SLC16A2: variants seen among roughly 807,000 people sequenced by gnomAD.
SLC16A2 encodes the protein monocarboxylate transporter 8.
In SLC16A2, 3 loss-of-function variants were observed where a neutral mutation model predicts 27.2. The observed-to-expected ratio is 0.11, with a 90% CI of 0.05 to 0.28. The LOEUF is 0.28. Ranked by LOEUF, SLC16A2 falls within the 10% of genes least tolerant of loss-of-function variation. SLC16A2 has a pLI of 1.00. For synonymous variants in SLC16A2, 202 were observed against 187.8 expected (o/e 1.08, Z -0.62); for missense variants, 295 against 458.5 (o/e 0.64, Z 3.26).
intron 1 of SLC16A2, among the ~76,000 whole-genome samples, chrX:74,465,604 C>T (rs1278431180): frequency 9.0e-6 from 1 of 111,535 alleles, no homozygotes; most frequent in African/African-American, 3.3e-5. Flanking sequence ...GTTTGTGCAC[C>T]AGGGCAGTCC....
chrX:74,474,516 A>G (rs1310322063), intron 1 of SLC16A2, among the ~76,000 whole-genome samples: 3 of 107,973 alleles, frequency 2.8e-5, no homozygotes, highest in Non-Finnish European at 5.7e-5. Flanking sequence ...TTTAGGGTAC[A>G]TGTGCACAAC....
chrX:74,465,519 A>C (rs1929235509), intron 1 of SLC16A2, among the ~76,000 whole-genome samples: 1 of 111,246 alleles, frequency 9.0e-6, no homozygotes, highest in African/African-American at 3.3e-5. Flanking sequence ...AGCCAGCTTG[A>C]ACAATATTTC....
intron 1 of SLC16A2, among the ~76,000 whole-genome samples, chrX:74,456,598 A>T (rs1929045568): frequency 8.9e-6 from 1 of 112,330 alleles, no homozygotes; most frequent in Non-Finnish European, 1.9e-5. Context: ...TGCTGCCAGC[A>T]TTCTAAAGAG....
chrX:74,439,043 A>G (rs1159070622), intron 1 of SLC16A2, among the ~76,000 whole-genome samples: 2 of 111,308 alleles, frequency 1.8e-5, no homozygotes, highest in African/African-American at 6.5e-5. Context: ...CCCCAAAGCT[A>G]AAAGAAATTG....
chrX:74,466,545 A>T (rs148705618), intron 1 of SLC16A2, among the ~76,000 whole-genome samples: 2,452 of 112,546 alleles, frequency 0.022, 26 homozygotes, highest in Non-Finnish European at 0.036. Flanking sequence ...CTATGCAAAT[A>T]GTTGTTATAC....
intron 1 of SLC16A2, among the ~76,000 whole-genome samples, chrX:74,511,221 G>A (rs903445584): frequency 1.6e-4 from 18 of 109,655 alleles, no homozygotes; most frequent in Admixed American, 1.3e-3. Flanking sequence ...TCGCTCTGTC[G>A]CCCAGGCTGG....
chrX:74,501,987 T>C (rs1186406893), intron 1 of SLC16A2, among the ~76,000 whole-genome samples: 3 of 111,589 alleles, frequency 2.7e-5, no homozygotes, highest in African/African-American at 9.8e-5. Context: ...TATATTAATT[T>C]GAACATAAAA....
intron 1 of SLC16A2, among the ~76,000 whole-genome samples, chrX:74,451,597 A>T (rs1318932927): frequency 8.9e-6 from 1 of 112,841 alleles, no homozygotes; most frequent in African/African-American, 3.2e-5. Flanking sequence ...CCATAAAGTG[A>T]CACGGAAAAT....
chrX:74,493,789 C>T (rs1011462193), intron 1 of SLC16A2, among the ~76,000 whole-genome samples: 4 of 111,297 alleles, frequency 3.6e-5, no homozygotes, highest in Non-Finnish European at 7.5e-5. Context: ...CGTGCATTCC[C>T]TCTCTGTCTC....
chrX:74,470,196 C>G (rs1210194796), intron 1 of SLC16A2, among the ~76,000 whole-genome samples: 1 of 112,115 alleles, frequency 8.9e-6, no homozygotes, highest in Non-Finnish European at 1.9e-5. Context: ...CCAGATGTAC[C>G]AGAGCTTATC....
At chrX:74,471,587 A>G (rs762225999) in intron 1 of SLC16A2, among the ~76,000 whole-genome samples, 4 of 111,995 alleles carry the variant, frequency 3.6e-5, no homozygotes, top group Non-Finnish European at 5.6e-5. Flanking sequence ...TCTGTGTGTT[A>G]TCTTTTCACT....
At chrX:74,501,591 C>T (rs1930036038) in intron 1 of SLC16A2, among the ~76,000 whole-genome samples, 1 of 111,087 alleles carries the variant, frequency 9.0e-6, no homozygotes, top group Middle Eastern at 4.6e-3. Flanking sequence ...CTCTGGTGGG[C>T]CCCCCCTCTG....
At chrX:74,473,866 G>A (rs1216109960) in intron 1 of SLC16A2, 3 of 486,837 alleles carry the variant, frequency 6.2e-6, no homozygotes, top group Non-Finnish European at 1.1e-5. Flanking sequence ...ACCATTTTGA[G>A]CCATTTTCAG....
At chrX:74,510,133 T>C (rs890154845) in intron 1 of SLC16A2, among the ~76,000 whole-genome samples, 1 of 111,851 alleles carries the variant, frequency 8.9e-6, no homozygotes, top group African/African-American at 3.2e-5. Context: ...CTATGATTCA[T>C]ATGGGCCCTT....
At position 74,466,295 on chromosome X, in the gene SLC16A2, T is replaced by A. The variant is rs142845774; in HGVS notation, c.430+44228T>A. 2.8e-3 allele frequency among the ~76,000 whole-genome samples: 313 copies of A among 111,417 alleles called. 4 individuals are homozygous for A. Among genetic ancestry groups the A allele is most frequent in the Admixed American group, 0.021 (219 of 10,437 alleles). ...AGCATTCTCCACCCCCTTTCCTGAC[T>A]CCCTACTTACCATTCCTCTGACCTT... On this transcript the variant is annotated intron_variant, in intron 1 of 5. Transcript: ENST00000587091.
intron 1 of SLC16A2, among the ~76,000 whole-genome samples, chrX:74,457,708 G>C (rs1008614178): frequency 9.0e-6 from 1 of 111,181 alleles, no homozygotes; most frequent in Non-Finnish European, 1.9e-5. Context: ...CTCTTCTTTG[G>C]CTCCTTCCGA....
At chrX:74,470,281 T>A (rs1028423630) in intron 1 of SLC16A2, among the ~76,000 whole-genome samples, 2 of 112,521 alleles carry the variant, frequency 1.8e-5, no homozygotes, top group African/African-American at 6.5e-5. Context: ...TAAACAATAA[T>A]GTGCAGGGTT....
chrX:74,422,574 C>T (rs954528804), intron 1 of SLC16A2, among the ~76,000 whole-genome samples: 1 of 110,820 alleles, frequency 9.0e-6, no homozygotes, highest in Non-Finnish European at 1.9e-5. Context: ...GTTAAAAACA[C>T]TTTAGGAATC....
chrX:74,504,031 C>T (rs773447614), intron 1 of SLC16A2, among the ~76,000 whole-genome samples: 1 of 112,479 alleles, frequency 8.9e-6, no homozygotes, highest in East Asian at 2.8e-4. Context: ...ACTATTGTTA[C>T]TACTAGTAGT....
Sources: allele counts gnomAD v4.1 joint callset (sites outside exome capture counted in the v4.1 genomes callset), GRCh38; gene constraint gnomAD v4.1.1; transcripts MANE v1.5; gene names NCBI Gene and HGNC (gene_info 2026-07-23, HGNC 2026-07-21).